SLCO2B1: variants seen among roughly 807,000 people sequenced by gnomAD.
SLCO2B1 encodes the protein solute carrier organic anion transporter family member 2B1.
A neutral mutation model predicts 67.3 loss-of-function variants in SLCO2B1; 41 were observed. The observed-to-expected ratio is 0.61, with a 90% CI of 0.47 to 0.79. The LOEUF is 0.79. Among genes scored for constraint, SLCO2B1 ranks in the 30% least tolerant of loss-of-function variants. SLCO2B1 has a pLI of 0.00. For missense variants in SLCO2B1, 837 were observed against 920.1 expected, an observed-to-expected ratio of 0.91 and a Z score of 1.17; for synonymous variants, 379 against 381.4, an observed-to-expected ratio of 0.99 and a Z score of 0.07.
At chr11:75,188,345 G>C in intron 8 of SLCO2B1, 107 bp downstream of exon 8, 1 of 713,136 alleles carries the variant, frequency 1.4e-6, no homozygotes. Context: ...TCTACCTGCA[G>C]ACCCCTCATG....
intron 3 of SLCO2B1, among the ~76,000 whole-genome samples, chr11:75,164,512 A>G (rs1949863644): frequency 1.3e-5 from 2 of 152,072 alleles, no homozygotes; most frequent in South Asian, 4.2e-4. Flanking sequence ...CGGGAGGGAT[A>G]CCGCGGCGCA....
chr11:75,189,896 A>C (rs1944992885), intron 8 of SLCO2B1, among the ~76,000 whole-genome samples: 1 of 149,868 alleles, frequency 6.7e-6, no homozygotes. Context: ...TGGGAGTTTG[A>C]GGCTGCAATG....
intron 7 of SLCO2B1, among the ~76,000 whole-genome samples, chr11:75,176,458 G>A (rs1019993659): frequency 9.2e-5 from 14 of 152,332 alleles, no homozygotes; most frequent in Non-Finnish European, 1.5e-4. Context: ...GAGAGGTTGG[G>A]ATTCTAAAAT....
Position 75,169,157 on chromosome 11 carries a change from C to T in SLCO2B1, c.449-16C>T, listed in dbSNP as rs777118037. 7.5e-6 allele frequency: 12 copies of T among 1,589,870 alleles called. No homozygotes were observed. The highest frequency in any genetic ancestry group is 9.5e-6 in the Non-Finnish European group (11 of 1,162,776). On this transcript the variant is annotated splice_polypyrimidine_tract_variant and intron_variant, in intron 4 of 13. Transcript: ENST00000289575. ...CTTAGCTATTGTTATAATATTTTTT[C>T]ATTGTCGTCTCTCAGAGGATATGCC...
In SLCO2B1 at chr11:75,162,672, C is replaced by T; in HGVS notation, c.34C>T (p.Pro12Ser). Reference protein sequence around the residue: ...GPRIGPAGEVPQVPDKETKAT... With the variant: ...GPRIGPAGEVSQVPDKETKAT... ...TCCCTCAGGGCCAGCGGGTGAGGTACCCCAGGTACCAGACAAGGAAACCAA... is the reference window on the plus strand; with the variant it reads ...TCCCTCAGGGCCAGCGGGTGAGGTATCCCAGGTACCAGACAAGGAAACCAA... Residue 12 changes from proline (P) to serine (S), a missense_variant, in exon 2 of 14, where the codon CCC becomes TCC. Pro to Ser is a moderately conservative substitution (Grantham distance 74). Transcript: ENST00000289575. The T allele has an allele frequency of 3.1e-6, 5 of 1,613,644 alleles. No homozygotes were observed. Among genetic ancestry groups the T allele is most frequent in the Non-Finnish European group, 4.2e-6 (5 of 1,179,850 alleles).
chr11:75,190,410 G>C (rs1451924025), intron 8 of SLCO2B1, among the ~76,000 whole-genome samples: 1 of 152,204 alleles, frequency 6.6e-6, no homozygotes, highest in African/African-American at 2.4e-5. Context: ...GAGGAACCAT[G>C]GTCCTTCAGC....
At chr11:75,176,674 G>C (rs1231500643) in intron 7 of SLCO2B1, among the ~76,000 whole-genome samples, 4 of 152,212 alleles carry the variant, frequency 2.6e-5, no homozygotes, top group African/African-American at 9.6e-5. Flanking sequence ...GTCAGGGATG[G>C]AAGACAGGAG....
chr11:75,161,630 T>G (rs1949822195), intron 1 of SLCO2B1, among the ~76,000 whole-genome samples: 1 of 152,004 alleles, frequency 6.6e-6, no homozygotes, highest in South Asian at 2.1e-4. Flanking sequence ...CCAGAAAGCA[T>G]GCTGAGTGAA....
chr11:75,198,571 G>A (rs149475613), intron 10 of SLCO2B1, among the ~76,000 whole-genome samples: 156 of 152,360 alleles, frequency 1.0e-3, no homozygotes, highest in African/African-American at 3.5e-3. Flanking sequence ...GCTGGGACTA[G>A]GCACCAAGGC....
chr11:75,151,450 G>A, intron 1 of SLCO2B1, 53 bp downstream of exon 1: 3 of 1,601,104 alleles, frequency 1.9e-6, no homozygotes, highest in East Asian at 2.2e-5. Context: ...TGGGGGACAT[G>A]TTCCCAGAGA....
intron 3 of SLCO2B1, 25 bp downstream of exon 3, chr11:75,164,125 G>A: frequency 6.2e-7 from 1 of 1,601,552 alleles, no homozygotes; most frequent in Admixed American, 1.7e-5. Context: ...CAGCCACAGG[G>A]GTGGACACTG....
At chr11:75,203,034 G>A (rs1945207921) in intron 12 of SLCO2B1, 69 bp downstream of exon 12, 1 of 1,392,366 alleles carries the variant, frequency 7.2e-7, no homozygotes, top group Non-Finnish European at 1.0e-6. Flanking sequence ...GCCAGGCCTG[G>A]GGCACAGGCA....
intron 7 of SLCO2B1, among the ~76,000 whole-genome samples, chr11:75,177,200 T>C (rs1419181733): frequency 1.3e-5 from 2 of 150,310 alleles, no homozygotes; most frequent in Non-Finnish European, 3.0e-5. Context: ...ACACACACAC[T>C]TCAGTCCAAG....
chr11:75,192,106 C>A (rs1311478445), intron 8 of SLCO2B1, among the ~76,000 whole-genome samples: 4 of 152,156 alleles, frequency 2.6e-5, no homozygotes, highest in African/African-American at 9.7e-5. Flanking sequence ...CCAGATCCCC[C>A]CCACCATTCT....
intron 9 of SLCO2B1, 197 bp from the exon 10 acceptor site, chr11:75,196,317 G>T (rs1945095795): frequency 8.6e-6 from 5 of 583,350 alleles, no homozygotes; most frequent in Non-Finnish European, 1.5e-5. Context: ...GATTGAGGGG[G>T]CCTGTCTCCA....
chr11:75,168,054 C>T lies in SLCO2B1; in HGVS notation c.449-1119C>T, dbSNP rs151259861. Among the ~76,000 whole-genome samples the T allele has an allele frequency of 1.6e-3, 247 of 152,122 alleles. 1 individual carries two copies. Among genetic ancestry groups the T allele is most frequent in the African/African-American group, 5.4e-3 (223 of 41,506 alleles). On this transcript the variant is annotated intron_variant, in intron 4 of 13. Transcript: ENST00000289575. ...GATTACAGGCATGTGCCACCACTCCCGGCTAATTTTTGTATTTTAGTAGCG... is the reference window on the plus strand; with the variant it reads ...GATTACAGGCATGTGCCACCACTCCTGGCTAATTTTTGTATTTTAGTAGCG...
chr11:75,199,860 C>T (rs904602111), intron 10 of SLCO2B1: 4 of 218,786 alleles, frequency 1.8e-5, no homozygotes, highest in Non-Finnish European at 2.7e-5. Flanking sequence ...TGGGATCAAA[C>T]ACTCCAGGGG....
intron 1 of SLCO2B1, among the ~76,000 whole-genome samples, chr11:75,153,769 C>T (rs555303358): frequency 2.6e-5 from 4 of 152,190 alleles, no homozygotes; most frequent in Admixed American, 2.0e-4. Flanking sequence ...GGCCCAGTCA[C>T]AAGGAACTTG....
At chr11:75,195,754 T>C (rs1405181338) in intron 9 of SLCO2B1, among the ~76,000 whole-genome samples, 1 of 152,204 alleles carries the variant, frequency 6.6e-6, no homozygotes, top group Non-Finnish European at 1.5e-5. Flanking sequence ...AGGCGCAGCC[T>C]CTCTGGGCCT....
Sources: allele counts gnomAD v4.1 joint callset (sites outside exome capture counted in the v4.1 genomes callset), GRCh38; gene constraint gnomAD v4.1.1; transcripts MANE v1.5; gene names NCBI Gene and HGNC (gene_info 2026-07-23, HGNC 2026-07-21).